Variants in MDFIC2 observed in about 807,000 individuals in gnomAD.
MDFIC2 encodes MyoD family inhibitor domain containing 2.
intron 2 of MDFIC2, among the ~76,000 whole-genome samples, chr3:70,221,434 A>G (rs1701459424): frequency 6.6e-6 from 1 of 152,150 alleles, no homozygotes; most frequent in Non-Finnish European, 1.5e-5. Flanking sequence ...ACTGGTAAAG[A>G]TTAGGAGGAA....
chr3:70,291,329 C>G (rs1164731512), intron 2 of MDFIC2: 1 of 151,922 alleles, frequency 6.6e-6, no homozygotes, highest in African/African-American at 2.4e-5. Flanking sequence ...TTAGACAATT[C>G]AGTGAATTCA....
At chr3:70,250,323 G>A (rs899905611) in intron 2 of MDFIC2, among the ~76,000 whole-genome samples, 3 of 151,488 alleles carry the variant, frequency 2.0e-5, no homozygotes, top group Non-Finnish European at 2.9e-5. Flanking sequence ...TTTTACTATT[G>A]CCAGCGACAT....
chr3:70,227,220 G>A (rs1701516552), intron 2 of MDFIC2, among the ~76,000 whole-genome samples: 2 of 152,106 alleles, frequency 1.3e-5, no homozygotes, highest in Admixed American at 1.3e-4. Flanking sequence ...GAAATAGACT[G>A]GATTATAGTT....
At chr3:70,259,813 G>A (rs1701848935) in intron 2 of MDFIC2, among the ~76,000 whole-genome samples, 2 of 152,130 alleles carry the variant, frequency 1.3e-5, no homozygotes, top group South Asian at 4.1e-4. Context: ...AAAGAGGTTT[G>A]ATTGACTCAC....
intron 2 of MDFIC2, among the ~76,000 whole-genome samples, chr3:70,265,539 G>A (rs1327534330): frequency 1.4e-5 from 2 of 147,712 alleles, no homozygotes; most frequent in Non-Finnish European, 3.0e-5. Context: ...AACCTTCCCA[G>A]CCATCTCAGG....
chr3:70,248,361 AG>A (rs938057341), intron 2 of MDFIC2, among the ~76,000 whole-genome samples: 16 of 152,086 alleles, frequency 1.1e-4, no homozygotes, highest in African/African-American at 3.1e-4. Context: ...AATTTTGAAA[AG>A]CATGTTATAT....
At chr3:70,270,499 G>A (rs61595204) in intron 2 of MDFIC2, among the ~76,000 whole-genome samples, 23,300 of 151,968 alleles carry the variant, frequency 0.15, 1,830 homozygotes, top group South Asian at 0.25. Flanking sequence ...TCAGTACTGG[G>A]GTACTTTAAT....
At chr3:70,284,507 T>C (rs1288702732) in intron 2 of MDFIC2, among the ~76,000 whole-genome samples, 1 of 152,110 alleles carries the variant, frequency 6.6e-6, no homozygotes, top group Non-Finnish European at 1.5e-5. Context: ...TAAATGCCCA[T>C]CAATGATAGA....
At chr3:70,249,548 C>G (rs1701740089) in intron 2 of MDFIC2, 1 of 152,018 alleles carries the variant, frequency 6.6e-6, no homozygotes, top group Admixed American at 6.6e-5. Context: ...TATGCCTGCC[C>G]CTTTAGGTCT....
chr3:70,230,922 T>A (rs1701553758), intron 2 of MDFIC2, among the ~76,000 whole-genome samples: 1 of 152,160 alleles, frequency 6.6e-6, no homozygotes, highest in African/African-American at 2.4e-5. Context: ...AACTTCCACT[T>A]TTCAATTTGG....
chr3:70,244,257 G>C (rs1343409369), intron 2 of MDFIC2, among the ~76,000 whole-genome samples: 1 of 152,188 alleles, frequency 6.6e-6, no homozygotes, highest in African/African-American at 2.4e-5. Context: ...TTACCGTGAT[G>C]AGTATTCTCT....
chr3:70,309,665 T>C (rs995515675), intron 2 of MDFIC2, among the ~76,000 whole-genome samples: 3 of 152,214 alleles, frequency 2.0e-5, no homozygotes, highest in Admixed American at 6.5e-5. Flanking sequence ...CCAACCCATA[T>C]ACTTTTTCTT....
chr3:70,198,343 A>G (rs1170640540), intron 3 of MDFIC2, among the ~76,000 whole-genome samples: 1 of 152,138 alleles, frequency 6.6e-6, no homozygotes, highest in Non-Finnish European at 1.5e-5. Flanking sequence ...ATATAAGCAT[A>G]TAGAAGAGAT....
intron 2 of MDFIC2, among the ~76,000 whole-genome samples, chr3:70,256,794 A>G (rs540081963): frequency 6.6e-6 from 1 of 152,320 alleles, no homozygotes; most frequent in South Asian, 2.1e-4. Context: ...AGTTCTCTAA[A>G]CATATGTAAT....
At chr3:70,245,557 T>C (rs916380740) in intron 2 of MDFIC2, among the ~76,000 whole-genome samples, 1 of 150,870 alleles carries the variant, frequency 6.6e-6, no homozygotes, top group African/African-American at 2.4e-5. Flanking sequence ...GATGCCAACC[T>C]TAACTAGTAA....
intron 2 of MDFIC2, among the ~76,000 whole-genome samples, chr3:70,211,995 T>A (rs1405176365): frequency 6.6e-6 from 1 of 151,946 alleles, no homozygotes; most frequent in Admixed American, 6.6e-5. Context: ...CTCCAGCTCC[T>A]TCCATGTATT....
At chr3:70,254,211 A>T (rs1437755611) in intron 2 of MDFIC2, among the ~76,000 whole-genome samples, 1 of 152,180 alleles carries the variant, frequency 6.6e-6, no homozygotes, top group Non-Finnish European at 1.5e-5. Flanking sequence ...GCATGATTTT[A>T]ACAGCTGTGA....
chr3:70,252,407 C>T (rs1270697372), intron 2 of MDFIC2, among the ~76,000 whole-genome samples: 2 of 152,106 alleles, frequency 1.3e-5, no homozygotes, highest in African/African-American at 4.8e-5. Flanking sequence ...GGGAGTGGGT[C>T]TTAACTGAGG....
rs1004957541 is a variant in MDFIC2 at position 70,212,433 on chromosome 3, C to G, written c.89-5643G>C. Among the ~76,000 whole-genome samples the G allele has an allele frequency of 2.6e-5, 4 of 152,204 alleles. No homozygotes were observed. In the East Asian group the frequency reaches 7.7e-4, roughly 29 times the overall value. On this transcript the variant is annotated intron_variant, in intron 2 of 3. Coordinates refer to ENST00000567252, the MANE Select transcript of MDFIC2 (RefSeq NM_001364677.1). The stretch of plus-strand genomic sequence containing the variant: ...TGTCTTTATTGTATTGTCATTTTTC[C>G]AGTTCCCTGGGCTTAAAACTATTAT...
Sources: allele counts gnomAD v4.1 joint callset (sites outside exome capture counted in the v4.1 genomes callset), GRCh38; gene constraint gnomAD v4.1.1; transcripts MANE v1.5; gene names NCBI Gene and HGNC (gene_info 2026-07-23, HGNC 2026-07-21).